The following NXPH1 variants were observed in gnomAD, a reference collection of about 807,000 sequenced individuals.
NXPH1 encodes the protein neurexophilin-1.
A neutral mutation model predicts 23.7 loss-of-function variants in NXPH1; 5 were observed. The observed-to-expected ratio is 0.21, with a 90% CI of 0.11 to 0.44. The LOEUF (loss-of-function observed/expected upper bound fraction) is 0.44. NXPH1 is among the 20% of genes least tolerant of loss of function. The pLI is 0.99. For missense variants in NXPH1, 324 were observed against 321.6 expected (o/e 1.01, Z -0.06); for synonymous variants, 144 against 122.2 (o/e 1.18, Z -1.18).
At chr7:8,598,974 C>CT (rs1478692887) in intron 2 of NXPH1, among the ~76,000 whole-genome samples, 2 of 152,062 alleles carry the variant, frequency 1.3e-5, no homozygotes, top group African/African-American at 4.8e-5. Flanking sequence ...TTCATCCAAA[C>CT]TTTTATGCAT....
chr7:8,434,694 C>T lies in NXPH1; in HGVS notation c.-172C>T, dbSNP rs967984260. On this transcript the variant is annotated 5_prime_UTR_variant, in exon 1 of 3. Coordinates refer to ENST00000405863, the MANE Select transcript of NXPH1 (RefSeq NM_152745.3). This position sits in a 1 kb window ranked among gnomAD's most constrained non-coding sequence, Gnocchi z 7.6. ...CGCTGGAGACGCCAGGCCCGAGTAGCTTCTCCATGGAGCCTGCCCAGAGCG... is the reference window on the plus strand; with the variant it reads ...CGCTGGAGACGCCAGGCCCGAGTAGTTTCTCCATGGAGCCTGCCCAGAGCG... 2.3e-4 allele frequency: 35 copies of T among 152,774 alleles called. No homozygotes were observed. Among genetic ancestry groups the T allele is most frequent in the Admixed American group, 1.8e-3 (27 of 15,288 alleles). 9.5% of individuals were successfully genotyped at this position (152,774 alleles called of 1,614,324 possible).
intron 2 of NXPH1, among the ~76,000 whole-genome samples, chr7:8,510,609 G>A (rs1288991761): frequency 6.6e-6 from 1 of 152,122 alleles, no homozygotes; most frequent in Non-Finnish European, 1.5e-5. Flanking sequence ...TAGGTAGAAT[G>A]AGAAGTGTGG....
intron 2 of NXPH1, among the ~76,000 whole-genome samples, chr7:8,484,651 G>A (rs972824775): frequency 6.6e-6 from 1 of 151,960 alleles, no homozygotes; most frequent in Non-Finnish European, 1.5e-5. Flanking sequence ...TCATAAAATC[G>A]AGCTTTTAAA....
intron 2 of NXPH1, among the ~76,000 whole-genome samples, chr7:8,629,105 T>C (rs1820065013): frequency 6.6e-6 from 1 of 152,080 alleles, no homozygotes; most frequent in African/African-American, 2.4e-5. Context: ...GAAATACTGT[T>C]CCATTATGAA....
At chr7:8,650,312 C>T (rs58803764) in intron 2 of NXPH1, among the ~76,000 whole-genome samples, 4,243 of 152,214 alleles carry the variant, frequency 0.028, 201 homozygotes, top group African/African-American at 0.097. Flanking sequence ...AGGTTTATTA[C>T]TATGTGATAT....
chr7:8,541,503 T>C (rs2128618509), intron 2 of NXPH1, among the ~76,000 whole-genome samples: 1 of 151,722 alleles, frequency 6.6e-6, no homozygotes, highest in Admixed American at 6.6e-5. Flanking sequence ...ACAAAAAATA[T>C]GAAGAAATCT....
Position 8,517,564 on chromosome 7 carries a change from T to A in NXPH1, c.54+81797T>A, listed in dbSNP as rs945571552. Among the ~76,000 whole-genome samples the A allele has an allele frequency of 2.0e-5, 3 of 152,144 alleles. No homozygotes were observed. The South Asian group carries it at 6.2e-4, about 31-fold the overall frequency. On this transcript the variant is annotated intron_variant, in intron 2 of 2. Coordinates refer to ENST00000405863, the MANE Select transcript of NXPH1 (RefSeq NM_152745.3). Reference sequence around the variant, plus strand: ...TTGGTTATGTTGCTTAAGATCTGACTCTGAGTTTGAAGCAGACAGATACAC... The same window carrying A: ...TTGGTTATGTTGCTTAAGATCTGACACTGAGTTTGAAGCAGACAGATACAC...
At chr7:8,726,995 CT>C (rs1780067347) in intron 2 of NXPH1, among the ~76,000 whole-genome samples, 1 of 147,198 alleles carries the variant, frequency 6.8e-6, no homozygotes, top group Admixed American at 6.7e-5. Flanking sequence ...TCTCCAGCAC[CT>C]GTTGTTTCCT....
At chr7:8,643,055 G>T (rs552492728) in intron 2 of NXPH1, among the ~76,000 whole-genome samples, 4 of 152,010 alleles carry the variant, frequency 2.6e-5, no homozygotes, top group African/African-American at 9.6e-5. Flanking sequence ...AGTTGAGACA[G>T]GGTTTCACTA....
intron 2 of NXPH1, among the ~76,000 whole-genome samples, chr7:8,742,752 A>T (rs1401877190): frequency 3.3e-5 from 5 of 152,146 alleles, no homozygotes; most frequent in Admixed American, 3.3e-4. Flanking sequence ...ATTTTATTTT[A>T]TTAATTTCCT....
At position 8,435,836 on chromosome 7, in the gene NXPH1, G is replaced by A. The variant is rs372626494; in HGVS notation, c.54+69G>A. 653 of 1,430,318 alleles carry A rather than the reference G, an allele frequency of 4.6e-4. 5 individuals are homozygous for A. Among genetic ancestry groups the A allele is most frequent in the Admixed American group, 2.1e-3 (127 of 59,808 alleles). The allele number at this position is 1,430,318 out of a possible 1,614,324, so 88.6% of individuals were successfully genotyped here. On this transcript the variant is annotated intron_variant, in intron 2 of 2. Transcript: ENST00000405863. This position sits in a 1 kb window ranked among gnomAD's most constrained non-coding sequence, Gnocchi z 5.9. ...CGGGAGGCAAGGAAACTGGGGACACGCGGGAGAAGGGTTACGCCGCCAGTT... is the reference window on the plus strand; with the variant it reads ...CGGGAGGCAAGGAAACTGGGGACACACGGGAGAAGGGTTACGCCGCCAGTT...
chr7:8,437,624 T>C (rs17148669), intron 2 of NXPH1, among the ~76,000 whole-genome samples: 1,563 of 152,316 alleles, frequency 0.01, 28 homozygotes, highest in African/African-American at 0.036. Context: ...AATCAATACT[T>C]TGTGTTAAAT....
intron 2 of NXPH1, among the ~76,000 whole-genome samples, chr7:8,482,815 T>C (rs1817096997): frequency 6.6e-6 from 1 of 152,216 alleles, no homozygotes. Flanking sequence ...TAAGCGGGCC[T>C]TATCCCAGCA....
At chr7:8,717,554 C>G (rs1424399192) in intron 2 of NXPH1, among the ~76,000 whole-genome samples, 1 of 152,100 alleles carries the variant, frequency 6.6e-6, no homozygotes, top group Non-Finnish European at 1.5e-5. Flanking sequence ...TAAAGACTAC[C>G]CTCTAAGTCC....
chr7:8,729,707 G>A (rs2115214971), intron 2 of NXPH1, among the ~76,000 whole-genome samples: 1 of 150,076 alleles, frequency 6.7e-6, no homozygotes, highest in South Asian at 2.1e-4. Context: ...CTGAGAGATA[G>A]TTTGTTATAA....
chr7:8,463,459 A>C (rs1816728018), intron 2 of NXPH1, among the ~76,000 whole-genome samples: 1 of 152,152 alleles, frequency 6.6e-6, no homozygotes, highest in South Asian at 2.1e-4. Flanking sequence ...TAGTATTATA[A>C]ATTCTTGGAA....
At chr7:8,628,305 T>G (rs1228398830) in intron 2 of NXPH1, among the ~76,000 whole-genome samples, 1 of 151,576 alleles carries the variant, frequency 6.6e-6, no homozygotes, top group Non-Finnish European at 1.5e-5. Context: ...AGTGAAATTC[T>G]ACACAGTAAT....
intron 2 of NXPH1, among the ~76,000 whole-genome samples, chr7:8,585,690 A>C (rs907516317): frequency 3.9e-5 from 6 of 152,208 alleles, no homozygotes; most frequent in Admixed American, 3.9e-4. Context: ...TTGTTTGTGT[A>C]TTAAAATAAA....
At chr7:8,736,653 T>C (rs1780261940) in intron 2 of NXPH1, among the ~76,000 whole-genome samples, 1 of 152,204 alleles carries the variant, frequency 6.6e-6, no homozygotes, top group South Asian at 2.1e-4. Context: ...GTCCTCTTGG[T>C]CCATAGCTGA....
Sources: gnomAD v4.1 joint callset for allele counts (sites outside exome capture counted in the v4.1 genomes callset) on GRCh38, gnomAD v4.1.1 for gene constraint, Gnocchi (gnomAD v3.1) non-coding constraint, MANE v1.5 for transcripts, NCBI Gene and HGNC (gene_info 2026-07-23, HGNC 2026-07-21) for gene names.